The following EDA variants were observed in gnomAD, a reference collection of about 807,000 sequenced individuals.
EDA encodes the protein ectodysplasin A.
Under a neutral mutation model 23.6 loss-of-function variants are expected in EDA, and 2 were observed. The ratio of observed to expected loss-of-function variants is 0.08; its 90% CI spans 0.03 to 0.27. EDA has a LOEUF of 0.27. EDA is among the 10% of genes least tolerant of loss of function. The probability of loss-of-function intolerance (pLI) is 1.00; values close to 1 mark genes in which losing one functional copy is unlikely to be tolerated. For missense variants in EDA, 229 were observed against 324.2 expected (o/e 0.71, Z 2.26); for synonymous variants, 131 against 132.0 (o/e 0.99, Z 0.05).
chrX:69,804,618 A>G (rs2015771898), intron 1 of EDA, among the ~76,000 whole-genome samples: 1 of 110,384 alleles, frequency 9.1e-6, no homozygotes, highest in South Asian at 3.8e-4. Flanking sequence ...TTAGTCAACA[A>G]AAAAAGATAG....
At position 69,878,918 on chromosome X, in the gene EDA, A is replaced by G. The variant is rs374714853; in HGVS notation, c.397-78109A>G. 2.7e-5 allele frequency among the ~76,000 whole-genome samples: 3 copies of G among 111,413 alleles called. No individual in the cohort carries two copies. The East Asian group carries it at 8.5e-4, about 31-fold the overall frequency. On this transcript the variant is annotated intron_variant, in intron 1 of 7. Coordinates refer to ENST00000374552, the MANE Select transcript of EDA (RefSeq NM_001399.5). ...GACTCCTCCAATGTGTGTAAAATGC[A>G]TGCTAGGTAGATTGAAGGAAAAATG...
intron 1 of EDA, among the ~76,000 whole-genome samples, chrX:69,673,993 C>T (rs1245599808): frequency 1.8e-5 from 2 of 111,574 alleles, no homozygotes; most frequent in African/African-American, 6.5e-5. Flanking sequence ...CCTGCTGCCC[C>T]GTCAAGCTAC....
chrX:69,738,039 G>T (rs951156556), intron 1 of EDA, among the ~76,000 whole-genome samples: 1 of 111,400 alleles, frequency 9.0e-6, no homozygotes, highest in Non-Finnish European at 1.9e-5. Context: ...GTATGCCTTA[G>T]TATGGTTTTC....
chrX:69,839,819 A>T (rs1185543151), intron 1 of EDA, among the ~76,000 whole-genome samples: 1 of 112,266 alleles, frequency 8.9e-6, no homozygotes, highest in Admixed American at 9.5e-5. Context: ...GCAACATGTG[A>T]TCAAATTGGT....
intron 1 of EDA, among the ~76,000 whole-genome samples, chrX:69,650,883 G>A (rs959873801): frequency 9.9e-5 from 11 of 110,933 alleles, no homozygotes; most frequent in Non-Finnish European, 1.7e-4. Flanking sequence ...CACATACCAG[G>A]TGATGGAAAA....
intron 1 of EDA, among the ~76,000 whole-genome samples, chrX:69,666,965 T>G (rs926620153): frequency 1.8e-5 from 2 of 111,112 alleles, no homozygotes; most frequent in Non-Finnish European, 3.8e-5. Flanking sequence ...TTTAATCTGT[T>G]TATTTGTTAT....
At position 69,645,594 on chromosome X, in the gene EDA, G is replaced by GTGTGTATATATATA. The variant is rs1569281294; in HGVS notation, c.396+28895_396+28896insATATATATATGTGT. Among the ~76,000 whole-genome samples the GTGTGTATATATATA allele has an allele frequency of 4.6e-4, 23 of 50,057 alleles. 1 individual carries two copies. In the South Asian group the frequency reaches 0.012, roughly 25 times the overall value. 43.5% of individuals were successfully genotyped at this position (50,057 alleles called of 115,157 possible). ...AGTTCTCTAGTTCTTTTATATATAT[G>GTGTGTATATATATA]TGTGTGTGTATATATATATATGTGT... On this transcript the variant is annotated intron_variant, in intron 1 of 7. Coordinates refer to ENST00000374552, the MANE Select transcript of EDA (RefSeq NM_001399.5).
At chrX:69,986,927 T>G (rs2019499730) in intron 2 of EDA, among the ~76,000 whole-genome samples, 1 of 51,777 alleles carries the variant, frequency 1.9e-5, no homozygotes, top group African/African-American at 9.1e-5. Flanking sequence ...ATATACACCA[T>G]GGAATACTAT....
intron 1 of EDA, among the ~76,000 whole-genome samples, chrX:69,652,447 G>A (rs749463506): frequency 2.1e-4 from 23 of 111,534 alleles, no homozygotes; most frequent in African/African-American, 5.9e-4. Context: ...AATTAGAAAC[G>A]GTAAAGGGAT....
At chrX:69,669,465 C>T (rs1385701040) in intron 1 of EDA, among the ~76,000 whole-genome samples, 34 of 110,566 alleles carry the variant, frequency 3.1e-4, no homozygotes, top group Admixed American at 2.0e-3. Context: ...TTATGTTTAC[C>T]GTGATGCTTA....
intron 1 of EDA, among the ~76,000 whole-genome samples, chrX:69,714,133 A>G (rs957133197): frequency 9.0e-6 from 1 of 111,132 alleles, no homozygotes; most frequent in African/African-American, 3.3e-5. Flanking sequence ...GTAGTGTATC[A>G]TAGTAATTTT....
chrX:69,617,744 G>A (rs1304088104), intron 1 of EDA: 1 of 357,162 alleles, frequency 2.8e-6, no homozygotes. Context: ...AAGAGAGCAA[G>A]TTGTACAAAT....
chrX:69,665,089 C>T (rs988656121), intron 1 of EDA, among the ~76,000 whole-genome samples: 2 of 111,663 alleles, frequency 1.8e-5, no homozygotes, highest in Non-Finnish European at 3.8e-5. Context: ...TTCATATGCT[C>T]ATTGGAGATT....
chrX:69,941,265 G>A (rs992742163), intron 1 of EDA, among the ~76,000 whole-genome samples: 6 of 111,791 alleles, frequency 5.4e-5, no homozygotes, highest in East Asian at 2.8e-4. Flanking sequence ...GAAATGTTAC[G>A]TGAATATCCA....
At chrX:69,844,597 G>A (rs776618072) in intron 1 of EDA, among the ~76,000 whole-genome samples, 10 of 112,554 alleles carry the variant, frequency 8.9e-5, no homozygotes, top group Non-Finnish European at 1.1e-4. Flanking sequence ...GGTCCTAGTA[G>A]AACAAATTCT....
At chrX:69,742,836 G>A (rs1397801365) in intron 1 of EDA, among the ~76,000 whole-genome samples, 1 of 110,813 alleles carries the variant, frequency 9.0e-6, no homozygotes, top group South Asian at 4.0e-4. Context: ...TTTTCTTGGG[G>A]GTCACAGTCC....
chrX:69,937,346 T>C, intron 1 of EDA: 1 of 622,387 alleles, frequency 1.6e-6, no homozygotes. Flanking sequence ...CTGCCTGATG[T>C]GGTGGTCCTA....
At position 69,805,856 on chromosome X, in the gene EDA, A is replaced by G. The variant is rs1246591048; in HGVS notation, c.397-151171A>G. 2.7e-5 allele frequency among the ~76,000 whole-genome samples: 3 copies of G among 111,830 alleles called. No homozygotes were observed. In the Admixed American group the frequency reaches 2.9e-4, roughly 11 times the overall value. On this transcript the variant is annotated intron_variant, in intron 1 of 7. Coordinates refer to ENST00000374552, the MANE Select transcript of EDA (RefSeq NM_001399.5). Reference sequence around the variant, plus strand: ...TTTACATACATGAATTTGAGTTGGTATATAATACACTCTGATATAGGAAGA... The same window carrying G: ...TTTACATACATGAATTTGAGTTGGTGTATAATACACTCTGATATAGGAAGA...
At chrX:70,030,739 C>T (rs775308333) in intron 6 of EDA, among the ~76,000 whole-genome samples, 1 of 112,575 alleles carries the variant, frequency 8.9e-6, no homozygotes, top group Non-Finnish European at 1.9e-5. Context: ...TCACTGATGA[C>T]GGAGCTGAAA....
Sources: gnomAD v4.1 joint callset for allele counts (sites outside exome capture counted in the v4.1 genomes callset) on GRCh38, gnomAD v4.1.1 for gene constraint, MANE v1.5 for transcripts, NCBI Gene and HGNC (gene_info 2026-07-23, HGNC 2026-07-21) for gene names.